DHODH: variants seen among roughly 807,000 people sequenced by gnomAD.
DHODH encodes dihydroorotate dehydrogenase (quinone), mitochondrial.
A neutral mutation model predicts 39.7 loss-of-function variants in DHODH; 30 were observed. The observed-to-expected ratio is 0.76, with a 90% CI of 0.57 to 1.02. DHODH has a LOEUF of 1.02. Among genes scored for constraint, DHODH ranks in the 50% least tolerant of loss-of-function variants. The pLI is 0.00. For synonymous variants in DHODH, 222 were observed against 213.8 expected (o/e 1.04, Z -0.34); for missense variants, 531 against 520.8 (o/e 1.02, Z -0.19).
chr16:72,016,757 G>A, intron 3 of DHODH: 1 of 441,136 alleles, frequency 2.3e-6, no homozygotes, highest in Admixed American at 3.4e-5. Context: ...GGTAAGGAGT[G>A]GGGATCCAGC....
At chr16:72,017,832 C>T (rs1183259768) in intron 4 of DHODH, among the ~76,000 whole-genome samples, 4 of 135,636 alleles carry the variant, frequency 2.9e-5, no homozygotes, top group African/African-American at 8.9e-5. Context: ...AGTGCAGTGG[C>T]GGGATCTCGG....
chr16:72,023,119 C>A, intron 6 of DHODH, 46 bp from the exon 7 acceptor site: 1 of 1,611,258 alleles, frequency 6.2e-7, no homozygotes, highest in South Asian at 1.1e-5. Flanking sequence ...GCCTCTGGGT[C>A]CTTCGGTGCT....
In DHODH at chr16:72,021,324, A is replaced by C. The variant is rs1597397324; in HGVS notation, c.705+13A>C. The C allele has an allele frequency of 6.3e-7, 1 of 1,588,812 alleles. No individual in the cohort carries two copies. Among genetic ancestry groups the C allele is most frequent in the East Asian group, 2.3e-5 (1 of 43,884 alleles). On this transcript the variant is annotated intron_variant, in intron 5 of 8. Coordinates refer to ENST00000219240, the MANE Select transcript of DHODH (RefSeq NM_001361.5). ...CCTGCTGACCAAGGTGGGCAGCTGC[A>C]CCCCTCTCCAGGCCCTGTCCCACCA...
chr16:72,022,976 C>G (rs2041237576), intron 6 of DHODH, among the ~76,000 whole-genome samples, 189 bp from the exon 7 acceptor site: 1 of 152,222 alleles, frequency 6.6e-6, no homozygotes, highest in Admixed American at 6.5e-5. Flanking sequence ...GTGATGGCTG[C>G]TGTCGTCATG....
intron 1 of DHODH, 57 bp from the exon 2 acceptor site, chr16:72,011,993 C>T (rs1217186557): frequency 1.4e-6 from 2 of 1,479,208 alleles, no homozygotes; most frequent in East Asian, 2.3e-5. Flanking sequence ...GTGAAGGGCT[C>T]AGGAAGGGTG....
chr16:72,020,758 C>T (rs570226415), intron 4 of DHODH, among the ~76,000 whole-genome samples: 15 of 152,292 alleles, frequency 9.8e-5, no homozygotes, highest in East Asian at 3.9e-4. Flanking sequence ...GTGAGAGTTG[C>T]GGGCCTGATG....
intron 3 of DHODH, 56 bp from the exon 4 acceptor site, chr16:72,016,968 G>T: frequency 1.3e-6 from 2 of 1,503,370 alleles, no homozygotes; most frequent in South Asian, 1.1e-5. Flanking sequence ...TAAGTGTATG[G>T]GAAGTGGCTA....
chr16:72,012,236 G>A lies in DHODH; in HGVS notation c.208G>A (p.Ala70Thr). Residue 70 changes from alanine (A) to threonine (T), a missense_variant, in exon 2 of 9, where the codon GCC (alanine) becomes ACC (threonine). Coordinates refer to ENST00000219240, the MANE Select transcript of DHODH (RefSeq NM_001361.5). ...CACCTCCCTGGGGCTCCTTCCACGG[G>A]CCAGATTTCAAGACTCTGACATGCT... ...RFTSLGLLPR[A>T]RFQDSDMLEV... The A allele has an allele frequency of 6.2e-7, 1 of 1,614,078 alleles. No individual in the cohort carries two copies. The highest frequency in any genetic ancestry group is 8.5e-7 in the Non-Finnish European group (1 of 1,180,022).
chr16:72,021,796 T>G (rs1432197853), intron 5 of DHODH, among the ~76,000 whole-genome samples: 2 of 152,100 alleles, frequency 1.3e-5, no homozygotes, highest in Non-Finnish European at 2.9e-5. Flanking sequence ...AGACCCTGTC[T>G]CTACAAAAAT....
At chr16:72,015,090 A>C (rs190567891) in intron 3 of DHODH, among the ~76,000 whole-genome samples, 53 of 152,394 alleles carry the variant, frequency 3.5e-4, no homozygotes, top group Admixed American at 7.8e-4. Flanking sequence ...ACATTAACAC[A>C]GTAAACAGAA....
intron 4 of DHODH, among the ~76,000 whole-genome samples, chr16:72,018,454 C>T (rs2041168273): frequency 1.3e-5 from 2 of 152,198 alleles, no homozygotes; most frequent in South Asian, 2.1e-4. Context: ...ACTGCAGAGC[C>T]GCCCACCTGG....
At chr16:72,011,437 A>G (rs889359353) in intron 1 of DHODH, among the ~76,000 whole-genome samples, 1 of 152,186 alleles carries the variant, frequency 6.6e-6, no homozygotes, top group Non-Finnish European at 1.5e-5. Flanking sequence ...CTAAGGGTTC[A>G]AGACCAGCCT....
chr16:72,012,054 G>A lies in DHODH; in HGVS notation c.26G>A (p.Arg9Gln), dbSNP rs201486372. 3.9e-5 allele frequency: 63 copies of A among 1,613,954 alleles called. No individual in the cohort carries two copies. The highest frequency in any genetic ancestry group is 3.6e-4 in the East Asian group (16 of 44,880). The change falls in exon 2 of 9, where the codon CGG (arginine) becomes CAG (glutamine). Residue 9 changes from arginine to glutamine, a missense_variant. Physicochemically the swap from Arg to Gln is conservative, Grantham distance 43. Coordinates refer to ENST00000219240, the MANE Select transcript of DHODH (RefSeq NM_001361.5). ...CTAATATGCTCTTTTTTGCAGAAGC[G>A]GGCCCAGGATGCTGTGATCATCCTG... MAWRHLKK[R>Q]AQDAVIILGG...
In DHODH at chr16:72,021,328, C is replaced by G; in HGVS notation, c.705+17C>G. 6.3e-7 allele frequency: 1 copy of G among 1,587,832 alleles called. No individual in the cohort carries two copies. Among genetic ancestry groups the G allele is most frequent in the Non-Finnish European group, 8.5e-7 (1 of 1,171,342 alleles). ...CTGACCAAGGTGGGCAGCTGCACCC[C>G]TCTCCAGGCCCTGTCCCACCAGCCT... is the stretch of plus-strand genomic sequence containing the variant. On this transcript the variant is annotated intron_variant, in intron 5 of 8. Coordinates refer to ENST00000219240, the MANE Select transcript of DHODH (RefSeq NM_001361.5).
At chr16:72,016,957 C>T (rs1459813059) in intron 3 of DHODH, 67 bp from the exon 4 acceptor site, 1 of 1,440,130 alleles carries the variant, frequency 6.9e-7, no homozygotes, top group East Asian at 2.3e-5. Flanking sequence ...TGAAAAAGTC[C>T]TAAGTGTATG....
At chr16:72,023,381 G>A in intron 7 of DHODH, 63 bp downstream of exon 7, 2 of 1,613,820 alleles carry the variant, frequency 1.2e-6, no homozygotes, top group East Asian at 4.5e-5. Context: ...GGTCGTGATG[G>A]GAATCATCAT....
In DHODH at chr16:72,024,314, C is replaced by A; in HGVS notation, c.*115C>A. On this transcript the variant is annotated 3_prime_UTR_variant, in exon 9 of 9. Coordinates refer to ENST00000219240, the MANE Select transcript of DHODH (RefSeq NM_001361.5). Reference sequence around the variant, plus strand: ...CTTGAGCCATGTCCCCCAGCCATGGCATGGCTGCACTGTAAACGCCAATCG... The same window carrying A: ...CTTGAGCCATGTCCCCCAGCCATGGAATGGCTGCACTGTAAACGCCAATCG... The A allele has an allele frequency of 8.6e-7, 1 of 1,156,086 alleles. No individual in the cohort carries two copies. Among genetic ancestry groups the A allele is most frequent in the Non-Finnish European group, 1.3e-6 (1 of 776,076 alleles). 71.6% of individuals were successfully genotyped at this position (1,156,086 alleles called of 1,614,324 possible). A position where few individuals can be genotyped will look rare whatever the true frequency, so the allele number is the denominator to read the frequency against.
In DHODH at chr16:72,024,862, G is replaced by C. The variant is rs1444080650; in HGVS notation, c.*663G>C. 6.5e-6 allele frequency: 1 copy of C among 152,904 alleles called. No homozygotes were observed. The highest frequency in any genetic ancestry group is 1.5e-5 in the Non-Finnish European group (1 of 68,608). The allele number at this position is 152,904 out of a possible 1,614,324, so 9.5% of individuals were successfully genotyped here. A position where few individuals can be genotyped will look rare whatever the true frequency, so the allele number is the denominator to read the frequency against. On this transcript the variant is annotated 3_prime_UTR_variant, in exon 9 of 9. Transcript: ENST00000219240. ...CAGGCACTTTTAATCCCAGCTACTC[G>C]GGAGGCTGAGGCAGGAGAATTGCTT...
chr16:72,020,739 T>G (rs1041133554), intron 4 of DHODH, among the ~76,000 whole-genome samples: 3 of 152,208 alleles, frequency 2.0e-5, no homozygotes, highest in African/African-American at 7.2e-5. Context: ...CCAACAAGCA[T>G]TCCTTGAGGT....
Sources: gnomAD v4.1 joint callset for allele counts (sites outside exome capture counted in the v4.1 genomes callset) on GRCh38, gnomAD v4.1.1 for gene constraint, MANE v1.5 for transcripts, NCBI Gene and HGNC (gene_info 2026-07-23, HGNC 2026-07-21) for gene names.